The following DGKI variants were observed in gnomAD, a reference collection of about 807,000 sequenced individuals.
DGKI encodes the protein diacylglycerol kinase iota, also known as DAG kinase iota.
A neutral mutation model predicts 147.5 loss-of-function variants in DGKI; 55 were observed. That is an observed-to-expected ratio of 0.37 (90% CI 0.30 to 0.47). DGKI has a LOEUF of 0.47. DGKI is among the 20% of genes least tolerant of loss of function. DGKI has a pLI of 1.00. For synonymous variants in DGKI, 469 were observed against 477.1 expected, an observed-to-expected ratio of 0.98 and a Z score of 0.22; for missense variants, 1,007 against 1,323.8, an observed-to-expected ratio of 0.76 and a Z score of 3.71.
At chr7:137,738,914 C>T (rs1318512975) in intron 1 of DGKI, among the ~76,000 whole-genome samples, 1 of 152,114 alleles carries the variant, frequency 6.6e-6, no homozygotes, top group Non-Finnish European at 1.5e-5. Context: ...CAGATTCATC[C>T]CTCATCCCTC....
At chr7:137,633,168 C>T (rs1821192632) in intron 6 of DGKI, among the ~76,000 whole-genome samples, 4 of 146,010 alleles carry the variant, frequency 2.7e-5, no homozygotes, top group South Asian at 4.4e-4. Flanking sequence ...GCTGAGATTG[C>T]GCCATTGCAC....
intron 1 of DGKI, among the ~76,000 whole-genome samples, chr7:137,811,537 A>T (rs1457929412): frequency 6.6e-6 from 1 of 152,204 alleles, no homozygotes; most frequent in African/African-American, 2.4e-5. Context: ...TTTCAAAGCC[A>T]TCAGAAAGAA....
chr7:137,421,472 C>A (rs1469045894), intron 28 of DGKI, among the ~76,000 whole-genome samples: 1 of 152,196 alleles, frequency 6.6e-6, no homozygotes, highest in African/African-American at 2.4e-5. Flanking sequence ...GAAGAGATTT[C>A]TGTTTGGAGA....
intron 29 of DGKI, 63 bp downstream of exon 29, chr7:137,412,107 A>G: frequency 7.0e-7 from 1 of 1,438,470 alleles, no homozygotes; most frequent in Non-Finnish European, 9.8e-7. Context: ...AGTTTTGATG[A>G]GGAATGATGT....
chr7:137,739,460 A>C (rs772305419), intron 1 of DGKI, among the ~76,000 whole-genome samples: 1 of 152,166 alleles, frequency 6.6e-6, no homozygotes, highest in Admixed American at 6.5e-5. Context: ...TTTCAGAGTT[A>C]CGGTGTAATC....
At chr7:137,608,176 T>C (rs1257981488) in intron 10 of DGKI, among the ~76,000 whole-genome samples, 2 of 152,154 alleles carry the variant, frequency 1.3e-5, no homozygotes, top group African/African-American at 4.8e-5. Flanking sequence ...CTTGAAGGAA[T>C]CTTGTCTCAA....
intron 1 of DGKI, among the ~76,000 whole-genome samples, chr7:137,745,765 C>T (rs1485896872): frequency 7.2e-5 from 11 of 151,956 alleles, no homozygotes; most frequent in Admixed American, 7.2e-4. Context: ...TGAGAGTTCT[C>T]AGCTTAAAAA....
chr7:137,816,165 A>T (rs1217397912), intron 1 of DGKI, among the ~76,000 whole-genome samples: 2 of 152,110 alleles, frequency 1.3e-5, no homozygotes, highest in African/African-American at 2.4e-5. Flanking sequence ...GAAACCCCTC[A>T]AATCCAATTC....
chr7:137,456,084 C>T (rs776564208), intron 27 of DGKI, among the ~76,000 whole-genome samples: 48 of 152,262 alleles, frequency 3.2e-4, no homozygotes, highest in Non-Finnish European at 5.6e-4. Flanking sequence ...AACAATTCTT[C>T]CTTGCCACTC....
At chr7:137,501,228 A>G (rs112698834) in intron 21 of DGKI, among the ~76,000 whole-genome samples, 1 of 152,216 alleles carries the variant, frequency 6.6e-6, no homozygotes, top group Non-Finnish European at 1.5e-5. Flanking sequence ...ACAATAATCT[A>G]TTGTGTATAT....
At chr7:137,544,378 C>A (rs1347064877) in intron 20 of DGKI, among the ~76,000 whole-genome samples, 1 of 152,174 alleles carries the variant, frequency 6.6e-6, no homozygotes. Context: ...CCAGCCACAA[C>A]ATTCAGTTTG....
chr7:137,593,738 T>C (rs1819695480), intron 12 of DGKI, among the ~76,000 whole-genome samples: 1 of 152,248 alleles, frequency 6.6e-6, no homozygotes, highest in Admixed American at 6.5e-5. Context: ...ATTGAAATGA[T>C]ACTATTTTAG....
At chr7:137,507,500 C>T (rs567804565) in intron 21 of DGKI, among the ~76,000 whole-genome samples, 11 of 152,228 alleles carry the variant, frequency 7.2e-5, no homozygotes, top group African/African-American at 2.2e-4. Context: ...TAAAAAAAAT[C>T]CTCTTAAATG....
intron 6 of DGKI, among the ~76,000 whole-genome samples, chr7:137,643,661 G>A (rs1585321632): frequency 6.6e-6 from 1 of 152,302 alleles, no homozygotes; most frequent in East Asian, 1.9e-4. Flanking sequence ...CTCATGGCAT[G>A]ATGGCTGGCT....
chr7:137,453,829 A>G (rs1465680862), intron 27 of DGKI, among the ~76,000 whole-genome samples: 1 of 152,062 alleles, frequency 6.6e-6, no homozygotes, highest in Non-Finnish European at 1.5e-5. Context: ...ATTTCTACCA[A>G]TTCCCTTTAT....
At chr7:137,775,410 G>A (rs977896884) in intron 1 of DGKI, among the ~76,000 whole-genome samples, 12 of 152,140 alleles carry the variant, frequency 7.9e-5, no homozygotes, top group African/African-American at 2.9e-4. Flanking sequence ...AGGTACCTCT[G>A]CCATTCCCCT....
At chr7:137,719,216 C>T (rs932564820) in intron 1 of DGKI, among the ~76,000 whole-genome samples, 3 of 152,124 alleles carry the variant, frequency 2.0e-5, no homozygotes, top group Non-Finnish European at 2.9e-5. Context: ...GATGGAATTA[C>T]AGCCACAAAG....
At chr7:137,617,763 G>A (rs576202693) in intron 8 of DGKI, among the ~76,000 whole-genome samples, 3 of 152,044 alleles carry the variant, frequency 2.0e-5, no homozygotes, top group African/African-American at 4.8e-5. Context: ...ACCGCAAGAT[G>A]TTACCATGAG....
At chr7:137,580,264 T>C (rs1819142351) in intron 15 of DGKI, among the ~76,000 whole-genome samples, 2 of 152,082 alleles carry the variant, frequency 1.3e-5, no homozygotes, top group Non-Finnish European at 2.9e-5. Context: ...TGCTAAAGAA[T>C]ATGAGATAAA....
Sources: allele counts gnomAD v4.1 joint callset (sites outside exome capture counted in the v4.1 genomes callset), GRCh38; gene constraint gnomAD v4.1.1; transcripts MANE v1.5; gene names NCBI Gene and HGNC (gene_info 2026-07-23, HGNC 2026-07-21).